GMPS: variants seen among roughly 807,000 people sequenced by gnomAD.
GMPS encodes GMP synthase [glutamine-hydrolyzing].
In GMPS, 15 loss-of-function variants were observed where a neutral mutation model predicts 77.9. The ratio of observed to expected loss-of-function variants is 0.19; its 90% CI spans 0.13 to 0.30. GMPS has a LOEUF of 0.30. Among genes scored for constraint, GMPS ranks in the 10% least tolerant of loss-of-function variants. The probability of loss-of-function intolerance (pLI) is 1.00; values close to 1 mark genes in which losing one functional copy is unlikely to be tolerated. For missense variants in GMPS, 590 were observed against 838.8 expected (o/e 0.70, Z 3.66); for synonymous variants, 224 against 275.9 (o/e 0.81, Z 1.86).
At chr3:155,914,321 C>T in intron 7 of GMPS, 98 bp from the exon 8 acceptor site, 1 of 856,974 alleles carries the variant, frequency 1.2e-6, no homozygotes, top group East Asian at 2.9e-5. Context: ...GCTCTTCAGA[C>T]TGGGAAAGAA....
At chr3:155,913,670 G>A (rs1755095802) in intron 7 of GMPS, among the ~76,000 whole-genome samples, 1 of 151,820 alleles carries the variant, frequency 6.6e-6, no homozygotes, top group Non-Finnish European at 1.5e-5. Context: ...GCAGACATGT[G>A]CCACTACGCC....
chr3:155,934,566 C>G (rs891703972), intron 13 of GMPS, among the ~76,000 whole-genome samples: 2 of 152,100 alleles, frequency 1.3e-5, no homozygotes, highest in African/African-American at 4.8e-5. Flanking sequence ...TTGCAAAGAC[C>G]CTTTTTCTCC....
At chr3:155,905,438 C>G (rs1387497274) in intron 4 of GMPS, among the ~76,000 whole-genome samples, 1 of 152,094 alleles carries the variant, frequency 6.6e-6, no homozygotes, top group Non-Finnish European at 1.5e-5. Flanking sequence ...ACTTAAGTCT[C>G]TTAAGTAACA....
chr3:155,924,133 C>T (rs373924397), intron 11 of GMPS, among the ~76,000 whole-genome samples: 2 of 152,326 alleles, frequency 1.3e-5, no homozygotes, highest in East Asian at 3.9e-4. Flanking sequence ...CCCGCCTCGG[C>T]CTCCCAAAGT....
chr3:155,931,857 T>A lies in GMPS; in HGVS notation c.1653T>A (p.Pro551=). Residue 551 remains proline (P), a synonymous_variant, in exon 13 of 16, where the codon CCT becomes CCA. Coordinates refer to ENST00000496455, the MANE Select transcript of GMPS (RefSeq NM_003875.3). ...TTATTTTTCTGGCTAGGCTTATACC[T>A]CGCATGTGTCACAACGTTAACAGGT... ...ESLIFLARLI[P]RMCHNVNRVV... 1 of 1,555,472 alleles carries A rather than the reference T, an allele frequency of 6.4e-7. No homozygotes were observed. Among genetic ancestry groups the A allele is most frequent in the Non-Finnish European group, 8.9e-7 (1 of 1,126,838 alleles).
intron 1 of GMPS, among the ~76,000 whole-genome samples, chr3:155,889,039 T>A (rs1420389979): frequency 6.6e-5 from 10 of 152,242 alleles, no homozygotes; most frequent in Admixed American, 6.5e-4. Flanking sequence ...CCCTTTTTTT[T>A]ACTTTTAGTA....
intron 9 of GMPS, among the ~76,000 whole-genome samples, chr3:155,916,464 C>T (rs138078860): frequency 6.4e-4 from 97 of 152,092 alleles, no homozygotes; most frequent in African/African-American, 2.1e-3. Context: ...AATTTATTTT[C>T]TGTCTCTATA....
intron 10 of GMPS, among the ~76,000 whole-genome samples, chr3:155,920,419 AG>A (rs1456670872): frequency 1.3e-5 from 2 of 151,876 alleles, no homozygotes; most frequent in Non-Finnish European, 2.9e-5. Context: ...TACTAAAAAT[AG>A]AAAAATTAGC....
At chr3:155,931,697 AG>A in intron 12 of GMPS, 67 bp from the exon 13 acceptor site, 11 of 573,010 alleles carry the variant, frequency 1.9e-5, no homozygotes, top group South Asian at 6.7e-5. Flanking sequence ...AAAAAAAAAA[AG>A]CTTTGTCAAG....
rs1019843831 is a variant in GMPS at position 155,943,338 on chromosome 3, TGAG to T, written c.*5647_*5649del. 1.1e-5 allele frequency: 2 copies of T among 181,410 alleles called. No individual in the cohort carries two copies. Among genetic ancestry groups the T allele is most frequent in the African/African-American group, 4.7e-5 (2 of 42,436 alleles). The allele number at this position is 181,410 out of a possible 1,614,324, so 11.2% of individuals were successfully genotyped here. A position where few individuals can be genotyped will look rare whatever the true frequency, so the allele number is the denominator to read the frequency against. On this transcript the variant is annotated 3_prime_UTR_variant, in exon 16 of 16. Coordinates refer to ENST00000496455, the MANE Select transcript of GMPS (RefSeq NM_003875.3). ...ATGAAAGTTTAGGAAATTTGGCTAT[TGAG>T]TATATTAAGTACAACTACAAAATCC...
At chr3:155,905,736 T>TA (rs1438562651) in intron 4 of GMPS, among the ~76,000 whole-genome samples, 1 of 152,210 alleles carries the variant, frequency 6.6e-6, no homozygotes, top group Non-Finnish European at 1.5e-5. Flanking sequence ...TACTTACAGT[T>TA]ACAGGATAAC....
chr3:155,920,879 G>C (rs941874281), intron 10 of GMPS, among the ~76,000 whole-genome samples: 18 of 152,194 alleles, frequency 1.2e-4, no homozygotes, highest in African/African-American at 4.3e-4. Context: ...TTCTGTTGTA[G>C]TAAAGCAGCA....
At chr3:155,936,582 G>A (rs1490271252) in intron 15 of GMPS, 72 bp downstream of exon 15, 26 of 845,104 alleles carry the variant, frequency 3.1e-5, no homozygotes, top group Non-Finnish European at 4.9e-5. Context: ...GAATGGAATA[G>A]GCTATGCCAG....
chr3:155,934,696 G>A (rs1755716212), intron 13 of GMPS, among the ~76,000 whole-genome samples: 1 of 152,116 alleles, frequency 6.6e-6, no homozygotes, highest in African/African-American at 2.4e-5. Context: ...GAATATTCCA[G>A]AGAACACACT....
rs948809064 is a variant in GMPS, at chr3:155,884,765, C to T, written c.28-8753C>T. ...ACCTGAGAAGATAGAATTCATCAAC[C>T]CAATTCCATGATTAGGGTATGTGTA... On this transcript the variant is annotated intron_variant, in intron 1 of 15. Coordinates refer to ENST00000496455, the MANE Select transcript of GMPS (RefSeq NM_003875.3). 1.1e-4 allele frequency among the ~76,000 whole-genome samples: 16 copies of T among 152,260 alleles called. No homozygotes were observed. The East Asian group carries it at 2.9e-3, about 27-fold the overall frequency.
At chr3:155,932,855 C>T (rs1427267331) in intron 13 of GMPS, among the ~76,000 whole-genome samples, 2 of 152,142 alleles carry the variant, frequency 1.3e-5, no homozygotes, top group Non-Finnish European at 2.9e-5. Context: ...CCGTCAAATA[C>T]AGAAGCATCT....
At chr3:155,921,226 C>T (rs1191267497) in intron 10 of GMPS, among the ~76,000 whole-genome samples, 2 of 152,118 alleles carry the variant, frequency 1.3e-5, no homozygotes, top group East Asian at 3.8e-4. Flanking sequence ...GCCCTCCAGC[C>T]TGGGTGACAG....
chr3:155,927,638 C>T (rs1560052334), intron 12 of GMPS, among the ~76,000 whole-genome samples: 4 of 152,064 alleles, frequency 2.6e-5, no homozygotes, highest in Non-Finnish European at 4.4e-5. Flanking sequence ...TATAACAATG[C>T]ATTTTATTTT....
At chr3:155,924,418 G>A (rs965321062) in intron 11 of GMPS, among the ~76,000 whole-genome samples, 1 of 152,218 alleles carries the variant, frequency 6.6e-6, no homozygotes, top group Non-Finnish European at 1.5e-5. Context: ...TAACATGTAA[G>A]CCACAAAGGG....
Sources: allele counts gnomAD v4.1 joint callset (sites outside exome capture counted in the v4.1 genomes callset), GRCh38; gene constraint gnomAD v4.1.1; transcripts MANE v1.5; gene names NCBI Gene and HGNC (gene_info 2026-07-23, HGNC 2026-07-21).